The following EMX1 variants were observed in gnomAD, a reference collection of about 807,000 sequenced individuals.
EMX1 encodes homeobox protein EMX1.
In EMX1, 10 loss-of-function variants were observed where a neutral mutation model predicts 20.1. That is an observed-to-expected ratio of 0.50 (90% confidence interval 0.31 to 0.84). EMX1 has a LOEUF of 0.84. EMX1 is among the 40% of genes least tolerant of loss of function. The pLI is 0.05. For synonymous variants in EMX1, 250 were observed against 200.4 expected (o/e 1.25, Z -2.09); for missense variants, 424 against 431.9 (o/e 0.98, Z 0.16).
At chr2:72,928,177 C>A (rs1166114945) in intron 2 of EMX1, among the ~76,000 whole-genome samples, 1 of 152,194 alleles carries the variant, frequency 6.6e-6, no homozygotes, top group Non-Finnish European at 1.5e-5. Context: ...GAGCCCTGGG[C>A]AAGGGCTAGT....
chr2:72,934,114 G>A lies in EMX1; in HGVS notation c.*160G>A. Reference sequence around the variant, plus strand: ...GAAGCCCGGGGCCGCCATTGACAGAGGGACAAGCAATGGGCTGGCTGAGGC... The same window carrying A: ...GAAGCCCGGGGCCGCCATTGACAGAAGGACAAGCAATGGGCTGGCTGAGGC... On this transcript the variant is annotated 3_prime_UTR_variant, in exon 3 of 3. Coordinates refer to ENST00000258106, the MANE Select transcript of EMX1 (RefSeq NM_004097.3). The A allele has an allele frequency of 9.4e-7, 1 of 1,063,200 alleles. No homozygotes were observed. Among genetic ancestry groups the A allele is most frequent in the Non-Finnish European group, 1.3e-6 (1 of 759,502 alleles). 65.9% of individuals were successfully genotyped at this position (1,063,200 alleles called of 1,614,324 possible).
Position 72,917,851 on chromosome 2 carries a change from G to A in EMX1, c.-2G>A. 3 of 1,450,778 alleles carry A rather than the reference G, an allele frequency of 2.1e-6. No individual in the cohort carries two copies. Among genetic ancestry groups the A allele is most frequent in the Non-Finnish European group, 2.7e-6 (3 of 1,108,262 alleles). The allele number at this position is 1,450,778 out of a possible 1,614,324, so 89.9% of individuals were successfully genotyped here. A position where few individuals can be genotyped will look rare whatever the true frequency, so the allele number is the denominator to read the frequency against. ...GGAGGTGAGGGGTGCGGGCGGGTGT[G>A]CATGTGCCTGGCTGGGTGCACACCC... On this transcript the variant is annotated 5_prime_UTR_variant, in exon 1 of 3. Coordinates refer to ENST00000258106, the MANE Select transcript of EMX1 (RefSeq NM_004097.3).
chr2:72,932,106 C>T (rs1420586964), intron 2 of EMX1, among the ~76,000 whole-genome samples: 1 of 152,202 alleles, frequency 6.6e-6, no homozygotes, highest in Non-Finnish European at 1.5e-5. Flanking sequence ...TGAGGCCTGC[C>T]CTCAGCCCTG....
chr2:72,933,760 A>G, intron 2 of EMX1, 27 bp from the exon 3 acceptor site: 1 of 1,612,980 alleles, frequency 6.2e-7, no homozygotes, highest in Non-Finnish European at 8.5e-7. Context: ...TGAGTTTCTC[A>G]TCTGTGCCCC....
chr2:72,928,673 G>T (rs188263621), intron 2 of EMX1, among the ~76,000 whole-genome samples: 13 of 152,356 alleles, frequency 8.5e-5, no homozygotes, highest in Non-Finnish European at 1.5e-4. Flanking sequence ...AAGGCAAAGG[G>T]TACAGAAACG....
chr2:72,931,571 A>T (rs1671286712), intron 2 of EMX1, among the ~76,000 whole-genome samples: 1 of 152,034 alleles, frequency 6.6e-6, no homozygotes, highest in African/African-American at 2.4e-5. Flanking sequence ...CTGCTGCCAA[A>T]TGGTTGTGCT....
intron 1 of EMX1, among the ~76,000 whole-genome samples, chr2:72,919,266 G>A (rs2105261537): frequency 6.6e-6 from 1 of 151,942 alleles, no homozygotes; most frequent in African/African-American, 2.4e-5. Context: ...GCATTTGTTG[G>A]AGTTCGTTTT....
In EMX1 at chr2:72,930,375, A is replaced by G. The variant is rs1339050346; in HGVS notation, c.706-3412A>G. Among the ~76,000 whole-genome samples, 2 of 152,224 alleles carry G rather than the reference A, an allele frequency of 1.3e-5. No individual in the cohort carries two copies. The highest frequency in any genetic ancestry group is 2.9e-5 in the Non-Finnish European group (2 of 68,042). On this transcript the variant is annotated intron_variant, in intron 2 of 2. Transcript: ENST00000258106. The surrounding 1 kb of genome is among the most constrained non-coding windows in gnomAD (Gnocchi z 4.4). ...GGCAGGACCATTAAGGAACATCAGG[A>G]CAGGGTCTTGAAGGCTAAGGAGAGT...
chr2:72,916,531 G>A (rs1670964861), upstream of EMX1: 1 of 604,602 alleles, frequency 1.7e-6, no homozygotes, highest in Non-Finnish European at 3.0e-6. Context: ...CTCACAGCCT[G>A]TCGTGAGAAC....
chr2:72,931,128 C>G (rs1671272676), intron 2 of EMX1, among the ~76,000 whole-genome samples: 1 of 152,140 alleles, frequency 6.6e-6, no homozygotes, highest in Non-Finnish European at 1.5e-5. Flanking sequence ...TAGAGAGATG[C>G]CTACTTGACC....
chr2:72,918,279 C>T lies in EMX1; in HGVS notation c.427C>T (p.Pro143Ser). The change falls in exon 1 of 3, where the codon CCC becomes TCC. Residue 143 changes from proline to serine, a missense_variant. Pro to Ser is a moderately conservative substitution (Grantham distance 74). This residue lies in a region of EMX1 where 333 missense variants were observed against 296.6 expected (regional missense o/e 1.12). Transcript: ENST00000258106. ...AHQLGASPLQ[P>S]PHSFFGAQHR... The stretch of plus-strand genomic sequence containing the variant: ...CCAGCTGGGCGCCTCCCCGCTGCAG[C>T]CCCCGCACTCCTTCTTCGGCGCCCA... 5 of 1,576,234 alleles carry T rather than the reference C, an allele frequency of 3.2e-6. No homozygotes were observed. The highest frequency in any genetic ancestry group is 1.1e-5 in the South Asian group (1 of 88,380).
chr2:72,926,333 T>G, intron 2 of EMX1: 1 of 968,482 alleles, frequency 1.0e-6, no homozygotes, highest in Non-Finnish European at 1.2e-6. Flanking sequence ...TATGAGACAT[T>G]TCAAACATAT....
At chr2:72,924,253 G>A (rs1416983564) in intron 1 of EMX1, 56 bp from the exon 2 acceptor site, 15 of 1,537,638 alleles carry the variant, frequency 9.8e-6, no homozygotes, top group Non-Finnish European at 1.2e-5. Flanking sequence ...CCGGCTCACG[G>A]CGCCCCTTCT....
At chr2:72,931,788 C>T (rs891159509) in intron 2 of EMX1, among the ~76,000 whole-genome samples, 1 of 152,272 alleles carries the variant, frequency 6.6e-6, no homozygotes, top group African/African-American at 2.4e-5. Context: ...AGCTTTCCAG[C>T]CCCTGGCTGG....
At chr2:72,919,430 G>A (rs1671061686) in intron 1 of EMX1, among the ~76,000 whole-genome samples, 1 of 152,098 alleles carries the variant, frequency 6.6e-6, no homozygotes, top group Admixed American at 6.5e-5. Context: ...AGGGTCTATG[G>A]CTCAGAGCTA....
chr2:72,924,631 G>A, intron 2 of EMX1, 138 bp downstream of exon 2: 1 of 1,103,844 alleles, frequency 9.1e-7, no homozygotes, highest in Non-Finnish European at 1.3e-6. Flanking sequence ...CCGCGGCGCT[G>A]CGGTCAAGCC....
At chr2:72,926,552 A>G (rs1166001443) in intron 2 of EMX1, among the ~76,000 whole-genome samples, 1 of 152,230 alleles carries the variant, frequency 6.6e-6, no homozygotes, top group African/African-American at 2.4e-5. Flanking sequence ...TGGTTTGGAC[A>G]GAGCTTCCCA....
rs1670996308 is a variant in EMX1 at position 72,917,844 on chromosome 2, C to T, written c.-9C>T. On this transcript the variant is annotated 5_prime_UTR_variant, in exon 1 of 3. Coordinates refer to ENST00000258106, the MANE Select transcript of EMX1 (RefSeq NM_004097.3). ...GGGCGGGGGAGGTGAGGGGTGCGGGCGGGTGTGCATGTGCCTGGCTGGGTG... is the reference window on the plus strand; with the variant it reads ...GGGCGGGGGAGGTGAGGGGTGCGGGTGGGTGTGCATGTGCCTGGCTGGGTG... 1 of 1,399,658 alleles carries T rather than the reference C, an allele frequency of 7.1e-7. No individual in the cohort carries two copies. The allele number at this position is 1,399,658 out of a possible 1,614,324, so 86.7% of individuals were successfully genotyped here.
chr2:72,928,456 T>C (rs1050847369), intron 2 of EMX1, among the ~76,000 whole-genome samples: 5 of 152,188 alleles, frequency 3.3e-5, no homozygotes, highest in African/African-American at 1.2e-4. Context: ...TAGGCAGTCA[T>C]ATGACATGGA....
Sources: gnomAD v4.1 joint callset for allele counts (sites outside exome capture counted in the v4.1 genomes callset) on GRCh38, gnomAD v4.1.1 for gene constraint, gnomAD v4.1.1 regional missense constraint, Gnocchi (gnomAD v3.1) non-coding constraint, MANE v1.5 for transcripts, NCBI Gene and HGNC (gene_info 2026-07-23, HGNC 2026-07-21) for gene names.